MTA3: variants seen among roughly 807,000 people sequenced by gnomAD.
MTA3 encodes the protein metastasis associated 1 family member 3.
A neutral mutation model predicts 83.5 loss-of-function variants in MTA3; 34 were observed. That is an observed-to-expected ratio of 0.41 (90% CI 0.31 to 0.54). The LOEUF (loss-of-function observed/expected upper bound fraction) is 0.54, where lower values mean the gene tolerates loss of function less well. MTA3 is among the 20% of genes least tolerant of loss of function. MTA3 has a pLI of 0.33. For missense variants in MTA3, 761 were observed against 726.4 expected (o/e 1.05, Z -0.55); for synonymous variants, 303 against 252.7 (o/e 1.20, Z -1.89).
At chr2:42,614,788 A>C (rs561540943) in intron 4 of MTA3, among the ~76,000 whole-genome samples, 4 of 152,166 alleles carry the variant, frequency 2.6e-5, no homozygotes, top group African/African-American at 7.2e-5. Flanking sequence ...CAGCCTGGGC[A>C]ACATTGGGAC....
chr2:42,720,895 T>A (rs190262019), intron 15 of MTA3, among the ~76,000 whole-genome samples: 14 of 131,560 alleles, frequency 1.1e-4, no homozygotes, highest in Middle Eastern at 4.8e-3. Context: ...GAGGTTGCAG[T>A]GAGCCAAGAT....
intron 2 of MTA3, among the ~76,000 whole-genome samples, chr2:42,550,181 G>A (rs1284210379): frequency 6.6e-6 from 1 of 152,168 alleles, no homozygotes; most frequent in Admixed American, 6.6e-5. Flanking sequence ...TTATAGCTAT[G>A]AAATTGTTAA....
chr2:42,729,099 T>TTTTTG (rs1668053434), intron 16 of MTA3, among the ~76,000 whole-genome samples: 8 of 122,604 alleles, frequency 6.5e-5, no homozygotes, highest in South Asian at 2.9e-4. Context: ...TTTTTTTTTT[T>TTTTTG]TTTTTTTTTT....
chr2:42,712,359 A>G (rs1232566805), intron 14 of MTA3, among the ~76,000 whole-genome samples: 3 of 151,880 alleles, frequency 2.0e-5, no homozygotes, highest in African/African-American at 7.3e-5. Flanking sequence ...GTGCAGTGGT[A>G]CCATCATAGC....
At chr2:42,722,538 C>T (rs1401834200) in intron 15 of MTA3, among the ~76,000 whole-genome samples, 3 of 152,166 alleles carry the variant, frequency 2.0e-5, no homozygotes, top group Admixed American at 6.5e-5. Flanking sequence ...CCAAGGCTAC[C>T]TCTCCAGATA....
Position 42,682,700 on chromosome 2 carries a change from T to C in MTA3, c.891+111T>C, listed in dbSNP as rs1263979217. On this transcript the variant is annotated intron_variant, in intron 9 of 16. Transcript: ENST00000405094. ...AGCAAGTTTGTGAGTTAATAGTTTTTATCTGCTCAAAGTAAAATGAAGGTT... is the reference window on the plus strand; with the variant it reads ...AGCAAGTTTGTGAGTTAATAGTTTTCATCTGCTCAAAGTAAAATGAAGGTT... 5 of 944,592 alleles carry C rather than the reference T, an allele frequency of 5.3e-6. No homozygotes were observed. In the South Asian group the frequency reaches 6.7e-5, roughly 13 times the overall value. The allele number at this position is 944,592 out of a possible 1,614,324, so 58.5% of individuals were successfully genotyped here.
chr2:42,685,865 T>C (rs558916168), intron 9 of MTA3, among the ~76,000 whole-genome samples: 25 of 152,344 alleles, frequency 1.6e-4, no homozygotes, highest in Admixed American at 3.3e-4. Flanking sequence ...TCCATACTTA[T>C]AAAAGTAATG....
intron 8 of MTA3, among the ~76,000 whole-genome samples, chr2:42,667,576 G>GTGTGTGTGTGTGTT (rs1558562166): frequency 1.8e-4 from 23 of 124,392 alleles, no homozygotes; most frequent in Non-Finnish European, 3.0e-4. Context: ...AAAATTGTGT[G>GTGTGTGTGTGTGTT]TGTGTGTGTG....
intron 2 of MTA3, among the ~76,000 whole-genome samples, chr2:42,538,758 G>GTTTTTTTTT (rs148683210): frequency 7.7e-6 from 1 of 129,106 alleles, no homozygotes; most frequent in Non-Finnish European, 1.6e-5. Flanking sequence ...AGAAAAAAAT[G>GTTTTTTTTT]TTTTTTTTGT....
chr2:42,709,468 A>C, intron 14 of MTA3: 1 of 284,286 alleles, frequency 3.5e-6, no homozygotes, highest in Non-Finnish European at 6.2e-6. Context: ...TTATAATGAG[A>C]CTCCATAATC....
At chr2:42,701,131 C>A (rs566039479) in intron 11 of MTA3, among the ~76,000 whole-genome samples, 1 of 151,608 alleles carries the variant, frequency 6.6e-6, no homozygotes, top group Non-Finnish European at 1.5e-5. Context: ...ATAAATAATA[C>A]ATTTTTATAA....
At chr2:42,567,225 C>T (rs1267126014), upstream of MTA3, among the ~76,000 whole-genome samples, 2 of 152,192 alleles carry the variant, frequency 1.3e-5, no homozygotes, top group Non-Finnish European at 2.9e-5. Context: ...ATCATCGCAA[C>T]TGATCCTTAC....
chr2:42,748,317 G>A (rs1669605346), intron 16 of MTA3, among the ~76,000 whole-genome samples: 1 of 151,808 alleles, frequency 6.6e-6, no homozygotes, highest in African/African-American at 2.4e-5. Flanking sequence ...GCCTGCCTCA[G>A]CCTCCCAAAG....
chr2:42,604,536 C>T (rs996027770), intron 3 of MTA3, among the ~76,000 whole-genome samples: 6 of 145,174 alleles, frequency 4.1e-5, no homozygotes, highest in African/African-American at 1.5e-4. Flanking sequence ...TAGTGTTGCT[C>T]GATAATTCTT....
At chr2:42,559,925 T>G (rs1346378420) in intron 2 of MTA3, among the ~76,000 whole-genome samples, 1 of 151,818 alleles carries the variant, frequency 6.6e-6, no homozygotes, top group African/African-American at 2.4e-5. Flanking sequence ...CCATTGGCCG[T>G]GACAGCTACC....
intron 7 of MTA3, among the ~76,000 whole-genome samples, chr2:42,659,308 C>G (rs1689457360): frequency 6.6e-6 from 1 of 152,036 alleles, no homozygotes; most frequent in South Asian, 2.1e-4. Context: ...ATGTTGAATC[C>G]TCACAGGAAG....
chr2:42,682,294 A>G (rs1183009077), intron 8 of MTA3, 107 bp from the exon 9 acceptor site: 1 of 737,386 alleles, frequency 1.4e-6, no homozygotes, highest in East Asian at 2.9e-5. Context: ...AAAATAAATA[A>G]GTATATTGTT....
intron 6 of MTA3, among the ~76,000 whole-genome samples, chr2:42,651,957 ATGG>A (rs1217806358): frequency 6.6e-6 from 1 of 152,080 alleles, no homozygotes; most frequent in Non-Finnish European, 1.5e-5. Context: ...TTAGCTGGTC[ATGG>A]TGGTGGGCAC....
rs1687282222 is a variant in MTA3 at position 42,637,155 on chromosome 2, T to C, written c.318-3018T>C. On this transcript the variant is annotated intron_variant, in intron 4 of 16. Coordinates refer to ENST00000405094, the MANE Select transcript of MTA3 (RefSeq NM_001330442.2). ...CACCCTGCGCAGTCTCTGAAACAGA[T>C]TATACTTTGAAAACCTTTTCAGTGA... Among the ~76,000 whole-genome samples, 4 of 152,322 alleles carry C rather than the reference T, an allele frequency of 2.6e-5. No homozygotes were observed. The South Asian group carries it at 8.3e-4, about 32-fold the overall frequency.
Sources: gnomAD v4.1 joint callset for allele counts (sites outside exome capture counted in the v4.1 genomes callset) on GRCh38, gnomAD v4.1.1 for gene constraint, MANE v1.5 for transcripts, NCBI Gene and HGNC (gene_info 2026-07-23, HGNC 2026-07-21) for gene names.